The following RASEF variants were observed in gnomAD, a reference collection of about 807,000 sequenced individuals.
RASEF encodes RAS and EF-hand domain containing, also known as ras and EF-hand domain-containing protein.
In RASEF, 68 loss-of-function variants were observed where a neutral mutation model predicts 90.1. The ratio of observed to expected loss-of-function variants is 0.75; its 90% CI spans 0.62 to 0.92. RASEF has a LOEUF of 0.92. RASEF is among the 40% of genes least tolerant of loss of function. The pLI is 0.00. For missense variants in RASEF, 949 were observed against 937.2 expected, an observed-to-expected ratio of 1.01 and a Z score of -0.16; for synonymous variants, 331 against 345.2, an observed-to-expected ratio of 0.96 and a Z score of 0.46.
chr9:83,097,459 A>G, the RASEF span, among the ~76,000 whole-genome samples: 1 of 152,370 alleles, frequency 6.6e-6, no homozygotes, highest in Admixed American at 6.5e-5. Flanking sequence ...CATCAGAGTG[A>G]ACAGGCAACC....
chr9:83,000,062 G>T, intron 12 of RASEF, 107 bp downstream of exon 12: 2 of 993,934 alleles, frequency 2.0e-6, no homozygotes, highest in Non-Finnish European at 3.0e-6. Context: ...CATACACAGA[G>T]AAAGAGAAAA....
the RASEF span, among the ~76,000 whole-genome samples, chr9:83,076,742 A>G: frequency 1.3e-5 from 2 of 152,330 alleles, no homozygotes; most frequent in East Asian, 1.9e-4. Flanking sequence ...TGAAAAATTC[A>G]TTACAAAAAC....
intron 1 of RASEF, among the ~76,000 whole-genome samples, chr9:83,034,842 G>A (rs143623456): frequency 1.3e-5 from 2 of 152,302 alleles, no homozygotes; most frequent in East Asian, 3.9e-4. Flanking sequence ...ACCATAAAGT[G>A]GGTATAACCT....
chr9:83,018,506 TG>T (rs1261314243), intron 3 of RASEF, among the ~76,000 whole-genome samples: 32 of 145,404 alleles, frequency 2.2e-4, no homozygotes, highest in Non-Finnish European at 4.0e-4. Flanking sequence ...CTCTCCAAAT[TG>T]ATCTATAGAC....
At chr9:83,139,227 T>G in the RASEF span, among the ~76,000 whole-genome samples, 1 of 152,184 alleles carries the variant, frequency 6.6e-6, no homozygotes, top group African/African-American at 2.4e-5. Flanking sequence ...TGAGAAGCAC[T>G]GTACATAAAA....
chr9:83,010,030 T>A (rs1441582728), intron 5 of RASEF, among the ~76,000 whole-genome samples: 1 of 152,236 alleles, frequency 6.6e-6, no homozygotes, highest in Non-Finnish European at 1.5e-5. Context: ...TATCATGATG[T>A]ATTTCAACAC....
intron 3 of RASEF, among the ~76,000 whole-genome samples, chr9:83,020,922 G>T (rs1829432968): frequency 1.3e-5 from 2 of 152,204 alleles, no homozygotes; most frequent in Admixed American, 6.5e-5. Context: ...GAAAGTGCTA[G>T]CTGAAGAAGG....
At chr9:83,120,101 T>G in the RASEF span, among the ~76,000 whole-genome samples, 2 of 152,172 alleles carry the variant, frequency 1.3e-5, no homozygotes, top group Non-Finnish European at 2.9e-5. Context: ...TGTTAACAAA[T>G]CTGAAAGAAG....
chr9:83,045,177 G>C (rs554796105), intron 1 of RASEF, among the ~76,000 whole-genome samples: 1 of 152,234 alleles, frequency 6.6e-6, no homozygotes, highest in South Asian at 2.1e-4. Context: ...GTGTGTCTGT[G>C]TGTATGTACA....
At chr9:83,175,439 G>T in the RASEF span, among the ~76,000 whole-genome samples, 1 of 151,926 alleles carries the variant, frequency 6.6e-6, no homozygotes, top group Non-Finnish European at 1.5e-5. Context: ...AACCAACCTT[G>T]CATTCCTGTG....
chr9:83,165,117 T>C, the RASEF span, among the ~76,000 whole-genome samples: 1 of 152,042 alleles, frequency 6.6e-6, no homozygotes, highest in Non-Finnish European at 1.5e-5. Context: ...AAAATCAGTA[T>C]GGACATAAAC....
chr9:83,185,323 T>C, the RASEF span, among the ~76,000 whole-genome samples: 1 of 151,404 alleles, frequency 6.6e-6, no homozygotes, highest in Non-Finnish European at 1.5e-5. Context: ...AAAGGGCCCC[T>C]GTGCTTTCTT....
At chr9:83,186,145 C>T in the RASEF span, among the ~76,000 whole-genome samples, 1 of 152,106 alleles carries the variant, frequency 6.6e-6, no homozygotes, top group Admixed American at 6.6e-5. Flanking sequence ...ATTTTATTTA[C>T]AAAAACAAGT....
the RASEF span, among the ~76,000 whole-genome samples, chr9:83,072,733 T>G: frequency 5.6e-4 from 86 of 152,308 alleles, no homozygotes; most frequent in Admixed American, 2.6e-3. Context: ...TTCTTCTGCC[T>G]GCTTTTATCC....
chr9:83,181,284 G>A, the RASEF span, among the ~76,000 whole-genome samples: 3 of 151,898 alleles, frequency 2.0e-5, no homozygotes, highest in Non-Finnish European at 4.4e-5. Context: ...AGAGAAGGGC[G>A]GGGATAGAAT....
the RASEF span, among the ~76,000 whole-genome samples, chr9:83,121,289 TATATATA>T: frequency 6.6e-6 from 1 of 152,120 alleles, no homozygotes; most frequent in Admixed American, 6.5e-5. Context: ...ATGGTGTGCA[TATATATA>T]ATATATATCT....
the RASEF span, among the ~76,000 whole-genome samples, chr9:83,216,890 G>T: frequency 6.6e-6 from 1 of 152,002 alleles, no homozygotes; most frequent in Non-Finnish European, 1.5e-5. Context: ...ACCCCAGAAT[G>T]GTAGATCCAC....
At chr9:83,008,891 CAT>C (rs56810511) in intron 6 of RASEF, among the ~76,000 whole-genome samples, 716 of 19,502 alleles carry the variant, frequency 0.037, 3 homozygotes, top group Middle Eastern at 0.05. Context: ...AAGTTCTCAT[CAT>C]ATATATATAT....
At chr9:83,062,330 G>T in intron 1 of RASEF, 107 bp downstream of exon 1, 3 of 972,724 alleles carry the variant, frequency 3.1e-6, no homozygotes, top group Non-Finnish European at 4.3e-6. Flanking sequence ...GCAACTCACA[G>T]AGAAGACTAG....
Sources: allele counts gnomAD v4.1 joint callset (sites outside exome capture counted in the v4.1 genomes callset), GRCh38; gene constraint gnomAD v4.1.1; transcripts MANE v1.5; gene names NCBI Gene and HGNC (gene_info 2026-07-23, HGNC 2026-07-21).